Variants in MRPS33 observed in about 807,000 individuals in gnomAD.
The protein encoded by MRPS33 is mitochondrial ribosomal protein S33.
A neutral mutation model predicts 11.2 loss-of-function variants in MRPS33; 11 were observed. The observed-to-expected ratio is 0.99, with a 90% CI of 0.62 to 1.63. The LOEUF is 1.63. MRPS33 is among the 40% of genes most tolerant of loss of function. The pLI is 0.00. For synonymous variants in MRPS33, 46 were observed against 44.0 expected (o/e 1.05, Z -0.18); for missense variants, 109 against 127.8 (o/e 0.85, Z 0.71).
At position 141,006,149 on chromosome 7, in the gene MRPS33, C is replaced by T. The variant is rs1355544180; in HGVS notation, c.*281G>A. 4.9e-6 allele frequency: 2 copies of T among 406,970 alleles called. No individual in the cohort carries two copies. The highest frequency in any genetic ancestry group is 2.0e-5 in the African/African-American group (1 of 49,034). The allele number at this position is 406,970 out of a possible 1,614,324, so 25.2% of individuals were successfully genotyped here. On this transcript the variant is annotated 3_prime_UTR_variant, in exon 3 of 3. Transcript: ENST00000324787. Reference sequence around the variant, plus strand: ...CATTCCCCCAGCATCCCATCCCACCCCAAACAAATCATCAAACAATAACTT... The same window carrying T: ...CATTCCCCCAGCATCCCATCCCACCTCAAACAAATCATCAAACAATAACTT...
chr7:141,010,366 C>G (rs1252667309), intron 2 of MRPS33, 53 bp downstream of exon 2: 1 of 1,559,686 alleles, frequency 6.4e-7, no homozygotes, highest in South Asian at 1.2e-5. Context: ...TTTTCCTTTT[C>G]TGATCTACTG....
At chr7:141,008,474 A>G (rs1354700481) in intron 2 of MRPS33, among the ~76,000 whole-genome samples, 1 of 152,228 alleles carries the variant, frequency 6.6e-6, no homozygotes, top group African/African-American at 2.4e-5. Context: ...TGTAACCTCT[A>G]ATGTTAACCA....
At chr7:141,012,743 T>TA (rs1385160930) in intron 1 of MRPS33, among the ~76,000 whole-genome samples, 1 of 152,334 alleles carries the variant, frequency 6.6e-6, no homozygotes, top group African/African-American at 2.4e-5. Context: ...ATCAGTTTGT[T>TA]ACAGTGTTTT....
Position 141,010,279 on chromosome 7 carries a change from T to C in MRPS33, c.215+140A>G, listed in dbSNP as rs867415682. The C allele has an allele frequency of 9.3e-6, 7 of 749,190 alleles. No homozygotes were observed. In the South Asian group the frequency reaches 1.2e-4, roughly 12 times the overall value. 46.4% of individuals were successfully genotyped at this position (749,190 alleles called of 1,614,324 possible). On this transcript the variant is annotated intron_variant, in intron 2 of 2. Coordinates refer to ENST00000324787, the MANE Select transcript of MRPS33 (RefSeq NM_053035.3). ...TTATGGGTATTTTGAAAGAAGACTT[T>C]CTCCTGCCAACTGTACCTTTTGAAC...
chr7:141,002,841 T>C lies in MRPS33; in HGVS notation c.*3589A>G, dbSNP rs1820437042. ...CTGCTTGTAAACGTGGGGAACTTTATATTTTTAGGAGATACGTGTCAATGC... is the reference window on the plus strand; with the variant it reads ...CTGCTTGTAAACGTGGGGAACTTTACATTTTTAGGAGATACGTGTCAATGC... On this transcript the variant is annotated 3_prime_UTR_variant, in exon 3 of 3. Transcript: ENST00000324787. 1 of 154,950 alleles carries C rather than the reference T, an allele frequency of 6.5e-6. No homozygotes were observed. The highest frequency in any genetic ancestry group is 2.0e-4 in the South Asian group (1 of 5,042). The allele number at this position is 154,950 out of a possible 1,614,324, so 9.6% of individuals were successfully genotyped here.
intron 1 of MRPS33, among the ~76,000 whole-genome samples, chr7:141,013,655 T>C (rs1203751915): frequency 6.6e-6 from 1 of 152,184 alleles, no homozygotes; most frequent in Non-Finnish European, 1.5e-5. Flanking sequence ...TTACCTTTCT[T>C]TAAATGTGAA....
At chr7:141,010,871 T>A (rs1209163676) in intron 1 of MRPS33, among the ~76,000 whole-genome samples, 1 of 152,246 alleles carries the variant, frequency 6.6e-6, no homozygotes, top group Non-Finnish European at 1.5e-5. Flanking sequence ...CGTGTTTACA[T>A]GCTATTACTT....
intron 1 of MRPS33, among the ~76,000 whole-genome samples, chr7:141,012,173 C>CAAAA (rs56343833): frequency 1.2e-4 from 7 of 58,772 alleles, no homozygotes; most frequent in African/African-American, 1.6e-4. Context: ...GATTGTGTGT[C>CAAAA]AAAAAAAAAA....
rs1029919299 is a variant in MRPS33 at position 141,003,608 on chromosome 7, C to T, written c.*2822G>A. On this transcript the variant is annotated 3_prime_UTR_variant, in exon 3 of 3. Coordinates refer to ENST00000324787, the MANE Select transcript of MRPS33 (RefSeq NM_053035.3). ...CTCTTCCATCGGCAAACCAATACAT[C>T]GATTCTTTACTTGTTTTCCGACTCA... The T allele has an allele frequency of 1.3e-5, 2 of 152,246 alleles. No homozygotes were observed. Among genetic ancestry groups the T allele is most frequent in the African/African-American group, 2.4e-5 (1 of 41,456 alleles). The allele number at this position is 152,246 out of a possible 1,614,324, so 9.4% of individuals were successfully genotyped here. A position where few individuals can be genotyped will look rare whatever the true frequency, so the allele number is the denominator to read the frequency against.
Position 141,003,957 on chromosome 7 carries a change from G to T in MRPS33, c.*2473C>A. ...TTAGGGACTAAGTCTATTTGTCTCT[G>T]TATCCTCTACAACTATCACGTGTCG... is the stretch of plus-strand genomic sequence containing the variant. On this transcript the variant is annotated 3_prime_UTR_variant, in exon 3 of 3. Transcript: ENST00000324787. 6.6e-6 allele frequency: 1 copy of T among 152,236 alleles called. No homozygotes were observed. The highest frequency in any genetic ancestry group is 1.5e-5 in the Non-Finnish European group (1 of 68,040). 9.4% of individuals were successfully genotyped at this position (152,236 alleles called of 1,614,324 possible). A position where few individuals can be genotyped will look rare whatever the true frequency, so the allele number is the denominator to read the frequency against.
rs544334454 is a variant in MRPS33 at position 141,011,157 on chromosome 7, G to A, written c.-27-497C>T. On this transcript the variant is annotated intron_variant, in intron 1 of 2. Transcript: ENST00000324787. ...AACACTGTTCTCCTCAAGGGCTCCA[G>A]AAGGCTCTGAGAGCTGCTAATGAGT... Among the ~76,000 whole-genome samples, 3 of 152,310 alleles carry A rather than the reference G, an allele frequency of 2.0e-5. No individual in the cohort carries two copies. In the South Asian group the frequency reaches 6.2e-4, roughly 32 times the overall value.
rs1354900866 is a variant in MRPS33 at position 141,004,654 on chromosome 7, T to C, written c.*1776A>G. 2 of 152,254 alleles carry C rather than the reference T, an allele frequency of 1.3e-5. No homozygotes were observed. The highest frequency in any genetic ancestry group is 6.5e-5 in the Admixed American group (1 of 15,290). The allele number at this position is 152,254 out of a possible 1,614,324, so 9.4% of individuals were successfully genotyped here. ...GTACACTTAAATATGGTTAAGATCA[T>C]TAATTTTATGTTTTTACTACAATAA... On this transcript the variant is annotated 3_prime_UTR_variant, in exon 3 of 3. Transcript: ENST00000324787.
At chr7:141,012,166 T>C (rs1820689424) in intron 1 of MRPS33, among the ~76,000 whole-genome samples, 1 of 8,524 alleles carries the variant, frequency 1.2e-4, no homozygotes, top group Non-Finnish European at 2.3e-4. Flanking sequence ...AGAGCAAGAT[T>C]GTGTGTCAAA....
chr7:141,006,640 T>G, intron 2 of MRPS33, 105 bp from the exon 3 acceptor site: 2 of 966,820 alleles, frequency 2.1e-6, no homozygotes, highest in Non-Finnish European at 3.2e-6. Flanking sequence ...TATCGATCTT[T>G]GACTTTTACA....
intron 2 of MRPS33, chr7:141,009,988 G>C (rs1820634019): frequency 6.2e-6 from 1 of 160,756 alleles, no homozygotes; most frequent in African/African-American, 2.4e-5. Context: ...ATTTTTAGTA[G>C]AGACAGAGTT....
intron 1 of MRPS33, among the ~76,000 whole-genome samples, chr7:141,011,493 ATAAAAAAC>A (rs1820673226): frequency 6.6e-6 from 1 of 152,202 alleles, no homozygotes; most frequent in African/African-American, 2.4e-5. Flanking sequence ...GCTAACAGAC[ATAAAAAAC>A]TATACAGGGG....
intron 2 of MRPS33, among the ~76,000 whole-genome samples, chr7:141,008,739 A>G (rs984148663): frequency 6.6e-6 from 1 of 152,186 alleles, no homozygotes; most frequent in Non-Finnish European, 1.5e-5. Context: ...AACTTTATAC[A>G]ATTATGTACT....
At chr7:141,006,763 G>C (rs1455392083) in intron 2 of MRPS33, among the ~76,000 whole-genome samples, 6 of 152,110 alleles carry the variant, frequency 3.9e-5, no homozygotes. Flanking sequence ...CAGAAACACT[G>C]CCACAAGCTG....
chr7:141,010,410 T>C lies in MRPS33; in HGVS notation c.215+9A>G, dbSNP rs1280179554. ...TCTCTCATAGGTCCCTCTTTGTGTT[T>C]GTCATCACCTGTAGAGTCCAAGAAA... On this transcript the variant is annotated intron_variant, in intron 2 of 2. Transcript: ENST00000324787. The C allele has an allele frequency of 1.9e-6, 3 of 1,613,206 alleles. No homozygotes were observed. The highest frequency in any genetic ancestry group is 2.7e-5 in the African/African-American group (2 of 74,834).
Sources: allele counts gnomAD v4.1 joint callset (sites outside exome capture counted in the v4.1 genomes callset), GRCh38; gene constraint gnomAD v4.1.1; transcripts MANE v1.5; gene names NCBI Gene and HGNC (gene_info 2026-07-23, HGNC 2026-07-21).